LIPG: variants seen among roughly 807,000 people sequenced by gnomAD.
LIPG encodes the protein lipase G, endothelial type.
A neutral mutation model predicts 51.8 loss-of-function variants in LIPG; 34 were observed. The ratio of observed to expected loss-of-function variants is 0.66; its 90% CI spans 0.50 to 0.87. LIPG has a LOEUF of 0.87. Among genes scored for constraint, LIPG ranks in the 40% least tolerant of loss-of-function variants. The probability of loss-of-function intolerance (pLI) is 0.00; values close to 1 mark genes in which losing one functional copy is unlikely to be tolerated. For missense variants in LIPG, 580 were observed against 652.7 expected (o/e 0.89, Z 1.21); for synonymous variants, 246 against 246.1 (o/e 1.00, Z 0.00).
intron 9 of LIPG, among the ~76,000 whole-genome samples, chr18:49,587,425 C>T (rs903834130): frequency 3.3e-5 from 5 of 151,662 alleles, no homozygotes; most frequent in South Asian, 2.1e-4. Context: ...AAAAATTAGA[C>T]GGGCATGGTG....
At chr18:49,569,381 T>G in intron 3 of LIPG, 56 bp from the exon 4 acceptor site, 1 of 1,440,852 alleles carries the variant, frequency 6.9e-7, no homozygotes, top group Non-Finnish European at 9.8e-7. Flanking sequence ...CTGCTGGTGA[T>G]TCTGGGGGCT....
chr18:49,567,675 C>G (rs574768299), intron 3 of LIPG, 54 bp downstream of exon 3: 69 of 1,576,136 alleles, frequency 4.4e-5, no homozygotes, highest in Non-Finnish European at 5.7e-5. Flanking sequence ...CAAACCCAAT[C>G]TTCTTAAGAA....
intron 4 of LIPG, among the ~76,000 whole-genome samples, chr18:49,570,234 A>G (rs1403681265): frequency 6.6e-6 from 1 of 152,158 alleles, no homozygotes; most frequent in Admixed American, 6.5e-5. Context: ...AGAAAATTGA[A>G]TTTTCCATGT....
In LIPG at chr18:49,576,457, C is replaced by CTTTTTTTTTTTTTTTTT. The variant is rs34597464; in HGVS notation, c.793+878_793+894dup. On this transcript the variant is annotated intron_variant, in intron 5 of 9. Transcript: ENST00000261292. ...TCTTTTTTTAAAAGACAGAATCTTGCTTTTTTTTTTTTTTTTTTTTTTTTT... is the reference window on the plus strand; with the variant it reads ...TCTTTTTTTAAAAGACAGAATCTTGCTTTTTTTTTTTTTTTTTTTTTTTTTTTTTTTTTTTTTTTTTT... Among the ~76,000 whole-genome samples, 61 of 51,524 alleles carry CTTTTTTTTTTTTTTTTT rather than the reference C, an allele frequency of 1.2e-3. 17 individuals are homozygous for CTTTTTTTTTTTTTTTTT. Among genetic ancestry groups the CTTTTTTTTTTTTTTTTT allele is most frequent in the Admixed American group, 1.4e-3 (5 of 3,600 alleles). The allele number at this position is 51,524 out of a possible 152,430, so 33.8% of individuals were successfully genotyped here.
In LIPG at chr18:49,582,500, C is replaced by T. The variant is rs1555778689; in HGVS notation, c.1157+18C>T. On this transcript the variant is annotated intron_variant, in intron 7 of 9. Transcript: ENST00000261292. ...CTGGAAATGTAAGTCATCCGTTTCC[C>T]TTGCTGGGTTCGGGACAGAGAACAG... 9 of 1,614,160 alleles carry T rather than the reference C, an allele frequency of 5.6e-6. No individual in the cohort carries two copies. The highest frequency in any genetic ancestry group is 1.1e-5 in the South Asian group (1 of 91,092).
At position 49,592,311 on chromosome 18, in the gene LIPG, C is replaced by T. The variant is rs918015331; in HGVS notation, c.*1789C>T. ...AGCGAAGCTTGTACAGGTTGAGTAT[C>T]CCTTATCCAAAATGCTTGGAACCAG... On this transcript the variant is annotated 3_prime_UTR_variant, in exon 10 of 10. Transcript: ENST00000261292. The T allele has an allele frequency of 6.6e-6, 1 of 152,160 alleles. No homozygotes were observed. Among genetic ancestry groups the T allele is most frequent in the Non-Finnish European group, 1.5e-5 (1 of 68,036 alleles). 9.4% of individuals were successfully genotyped at this position (152,160 alleles called of 1,614,324 possible). A position where few individuals can be genotyped will look rare whatever the true frequency, so the allele number is the denominator to read the frequency against.
In LIPG at chr18:49,597,312, C is replaced by T. The variant is rs2084987713; in HGVS notation, c.*6790C>T. ...TGAACTTACAGAGCCTTTCAGTAAA[C>T]ACCAGTATTTGTCCCTCCCCGTGTA... On this transcript the variant is annotated 3_prime_UTR_variant, in exon 10 of 10. Transcript: ENST00000261292. 1 of 152,150 alleles carries T rather than the reference C, an allele frequency of 6.6e-6. No homozygotes were observed. 9.4% of individuals were successfully genotyped at this position (152,150 alleles called of 1,614,324 possible).
At chr18:49,579,657 C>T (rs1183645674) in intron 5 of LIPG, among the ~76,000 whole-genome samples, 1 of 152,130 alleles carries the variant, frequency 6.6e-6, no homozygotes, top group Admixed American at 6.5e-5. Context: ...TTTCCCTCTC[C>T]CGGTTTAATC....
intron 6 of LIPG, among the ~76,000 whole-genome samples, chr18:49,582,046 G>C (rs2084826082): frequency 6.6e-6 from 1 of 152,178 alleles, no homozygotes. Context: ...TCTGGGTACT[G>C]TGGGTATTAT....
At chr18:49,578,227 G>T (rs868846618) in intron 5 of LIPG, among the ~76,000 whole-genome samples, 3 of 147,096 alleles carry the variant, frequency 2.0e-5, no homozygotes, top group African/African-American at 5.1e-5. Context: ...CTTCTCAGAC[G>T]GGGCGGCTGC....
rs201922257 is a variant in LIPG at position 49,569,492 on chromosome 18, C to T, written c.515C>T (p.Ala172Val). The change falls in exon 4 of 10, where the codon GCG (alanine) becomes GTG (valine). Residue 172 changes from alanine (A) to valine (V), a missense_variant. Ala to Val is a moderately conservative substitution (Grantham distance 64). Transcript: ENST00000261292. ...CACTTGATCGGCTACAGCCTCGGAG[C>T]GCACGTGGCCGGGTATGCAGGCAAC... ...NVHLIGYSLGAHVAGYAGNFV... is the reference protein window; with the variant it reads ...NVHLIGYSLGVHVAGYAGNFV... 147 of 1,614,048 alleles carry T rather than the reference C, an allele frequency of 9.1e-5. 1 individual carries two copies. Among genetic ancestry groups the T allele is most frequent in the East Asian group, 4.5e-5 (2 of 44,890 alleles).
At chr18:49,571,449 G>T (rs1170810711) in intron 4 of LIPG, among the ~76,000 whole-genome samples, 1 of 152,212 alleles carries the variant, frequency 6.6e-6, no homozygotes, top group African/African-American at 2.4e-5. Context: ...TTTCTCCTGA[G>T]GGTGGCAGGA....
rs924640236 is a variant in LIPG, at chr18:49,597,893, A to G, written c.*7371A>G. On this transcript the variant is annotated 3_prime_UTR_variant, in exon 10 of 10. Coordinates refer to ENST00000261292, the MANE Select transcript of LIPG (RefSeq NM_006033.4). Reference sequence around the variant, plus strand: ...GGAATGGAGAAGCTAAAATGACATTATCTTTACTTCTGCCCTGGTTATTAT... The same window carrying G: ...GGAATGGAGAAGCTAAAATGACATTGTCTTTACTTCTGCCCTGGTTATTAT... The G allele has an allele frequency of 1.3e-5, 2 of 152,246 alleles. No homozygotes were observed. The highest frequency in any genetic ancestry group is 4.8e-5 in the African/African-American group (2 of 41,460). The allele number at this position is 152,246 out of a possible 1,614,324, so 9.4% of individuals were successfully genotyped here. A position where few individuals can be genotyped will look rare whatever the true frequency, so the allele number is the denominator to read the frequency against.
rs1306469958 is a variant in LIPG at position 49,590,998 on chromosome 18, G to A, written c.*476G>A. On this transcript the variant is annotated 3_prime_UTR_variant, in exon 10 of 10. Transcript: ENST00000261292. The stretch of plus-strand genomic sequence containing the variant: ...GATGGCAGGCCTGGTATCTTGCTCG[G>A]GCCCTAGCTGTTGGGGTTCTCATGG... 3.1e-5 allele frequency: 8 copies of A among 258,460 alleles called. 1 individual carries two copies. Among genetic ancestry groups the A allele is most frequent in the South Asian group, 3.1e-4 (6 of 19,412 alleles). 16.0% of individuals were successfully genotyped at this position (258,460 alleles called of 1,614,324 possible).
chr18:49,561,511 G>A, upstream of LIPG: 1 of 433,858 alleles, frequency 2.3e-6, no homozygotes, highest in Non-Finnish European at 3.9e-6. Context: ...CCTTAGCTCC[G>A]CCGGGTTATT....
chr18:49,573,184 T>G (rs570873006), intron 4 of LIPG, among the ~76,000 whole-genome samples: 4 of 152,314 alleles, frequency 2.6e-5, no homozygotes, highest in African/African-American at 9.6e-5. Flanking sequence ...AAAGAGCCTC[T>G]CTCTTGTATT....
intron 5 of LIPG, 129 bp downstream of exon 5, chr18:49,575,719 TG>T: frequency 1.3e-6 from 1 of 774,766 alleles, no homozygotes. Context: ...AGGCCTCCAA[TG>T]CTGTATTTAA....
chr18:49,562,129 G>A lies in LIPG; in HGVS notation c.-180G>A. ...GTTCTGGGGCAAGCCGTTGACACTC[G>A]CTCCCTGCCACCGCCCGGGCTCCGT... On this transcript the variant is annotated 5_prime_UTR_variant, in exon 1 of 10. Transcript: ENST00000261292. The A allele has an allele frequency of 2.1e-6, 3 of 1,462,232 alleles. No individual in the cohort carries two copies. Among genetic ancestry groups the A allele is most frequent in the Non-Finnish European group, 2.7e-6 (3 of 1,114,582 alleles). The allele number at this position is 1,462,232 out of a possible 1,614,324, so 90.6% of individuals were successfully genotyped here. A position where few individuals can be genotyped will look rare whatever the true frequency, so the allele number is the denominator to read the frequency against.
rs957317155 is a variant in LIPG at position 49,595,122 on chromosome 18, C to T, written c.*4600C>T. Reference sequence around the variant, plus strand: ...ATATGGTATTTCTCAGGTGTCACCTCTGTGTTCAGAGCTACCCTGAGCCCT... The same window carrying T: ...ATATGGTATTTCTCAGGTGTCACCTTTGTGTTCAGAGCTACCCTGAGCCCT... On this transcript the variant is annotated 3_prime_UTR_variant, in exon 10 of 10. Coordinates refer to ENST00000261292, the MANE Select transcript of LIPG (RefSeq NM_006033.4). 1 of 152,210 alleles carries T rather than the reference C, an allele frequency of 6.6e-6. No individual in the cohort carries two copies. Among genetic ancestry groups the T allele is most frequent in the Non-Finnish European group, 1.5e-5 (1 of 68,032 alleles). The allele number at this position is 152,210 out of a possible 1,614,324, so 9.4% of individuals were successfully genotyped here.
Sources: gnomAD v4.1 joint callset for allele counts (sites outside exome capture counted in the v4.1 genomes callset) on GRCh38, gnomAD v4.1.1 for gene constraint, MANE v1.5 for transcripts, NCBI Gene and HGNC (gene_info 2026-07-23, HGNC 2026-07-21) for gene names.